Variants in PAPPA2 observed in about 807,000 individuals in gnomAD.
PAPPA2 encodes pappalysin-2.
Under a neutral mutation model 176.4 loss-of-function variants are expected in PAPPA2, and 86 were observed. That is an observed-to-expected ratio of 0.49 (90% confidence interval 0.41 to 0.58). The LOEUF is 0.58. Among genes scored for constraint, PAPPA2 ranks in the 20% least tolerant of loss-of-function variants. PAPPA2 has a pLI of 0.00. For synonymous variants in PAPPA2, 809 were observed against 852.2 expected (o/e 0.95, Z 0.88); for missense variants, 2,073 against 2,256.9 (o/e 0.92, Z 1.65).
chr1:176,840,082 T>C (rs933946852), intron 21 of PAPPA2, 91 bp from the exon 22 acceptor site: 3 of 1,006,934 alleles, frequency 3.0e-6, no homozygotes, highest in African/African-American at 1.6e-5. Context: ...TCTCTGGAGC[T>C]GTATGGATTA....
chr1:176,688,161 T>G (rs193098203), intron 4 of PAPPA2, among the ~76,000 whole-genome samples: 1 of 152,074 alleles, frequency 6.6e-6, no homozygotes, highest in Non-Finnish European at 1.5e-5. Context: ...TACTTAGAAG[T>G]GGTGGGAAAG....
rs560143983 is a variant in PAPPA2 at position 176,583,988 on chromosome 1, G to A, written c.920-10536G>A. Among the ~76,000 whole-genome samples, 5 of 152,308 alleles carry A rather than the reference G, an allele frequency of 3.3e-5. No individual in the cohort carries two copies. The East Asian group carries it at 9.6e-4, about 29-fold the overall frequency. On this transcript the variant is annotated intron_variant, in intron 2 of 22. Coordinates refer to ENST00000367662, the MANE Select transcript of PAPPA2 (RefSeq NM_020318.3). ...GAGGATTGTTTGCACCCAGGGAGTTGAGGCTGTACTGCCACTGAACTCCAG... is the reference window on the plus strand; with the variant it reads ...GAGGATTGTTTGCACCCAGGGAGTTAAGGCTGTACTGCCACTGAACTCCAG...
chr1:176,491,073 C>T (rs2102493393), intron 1 of PAPPA2, among the ~76,000 whole-genome samples: 1 of 152,316 alleles, frequency 6.6e-6, no homozygotes, highest in East Asian at 1.9e-4. Flanking sequence ...AAGAATGAAT[C>T]TCTATTTCAT....
At chr1:176,697,751 C>T (rs536110606) in intron 7 of PAPPA2, among the ~76,000 whole-genome samples, 1 of 152,304 alleles carries the variant, frequency 6.6e-6, no homozygotes, top group South Asian at 2.1e-4. Context: ...ATCATTACTA[C>T]TTAATATTAT....
chr1:176,724,446 G>GCAT (rs1661768332), intron 12 of PAPPA2, among the ~76,000 whole-genome samples: 1 of 152,120 alleles, frequency 6.6e-6, no homozygotes, highest in Non-Finnish European at 1.5e-5. Context: ...GTTTCATAGG[G>GCAT]AGCCCGTCAA....
At chr1:176,562,991 G>T (rs1470619368) in intron 2 of PAPPA2, among the ~76,000 whole-genome samples, 1 of 152,114 alleles carries the variant, frequency 6.6e-6, no homozygotes, top group Non-Finnish European at 1.5e-5. Context: ...TTCCTAGGGT[G>T]CATATTGCTT....
intron 14 of PAPPA2, among the ~76,000 whole-genome samples, chr1:176,763,225 T>C (rs1663777327): frequency 6.6e-6 from 1 of 152,186 alleles, no homozygotes; most frequent in South Asian, 2.1e-4. Flanking sequence ...ACAAGATTCA[T>C]AGTAGTCATA....
intron 21 of PAPPA2, among the ~76,000 whole-genome samples, chr1:176,833,012 A>G (rs1198890118): frequency 1.3e-5 from 2 of 152,180 alleles, no homozygotes; most frequent in African/African-American, 4.8e-5. Flanking sequence ...CAGAAGATGT[A>G]CTACCACACA....
At chr1:176,806,850 A>G (rs1192880956) in intron 21 of PAPPA2, among the ~76,000 whole-genome samples, 1 of 152,120 alleles carries the variant, frequency 6.6e-6, no homozygotes, top group African/African-American at 2.4e-5. Flanking sequence ...TTTGGTTTTC[A>G]TTACACCCAC....
rs1384245489 is a variant in PAPPA2, at chr1:176,771,798, A to G, written c.4715+618A>G. On this transcript the variant is annotated intron_variant, in intron 17 of 22. Transcript: ENST00000367662. ...CATGGCAAGAAACACTTTTCCTCCA[A>G]TGTCGTGGGGGATCCGAAAGAACAA... Among the ~76,000 whole-genome samples, 4 of 152,250 alleles carry G rather than the reference A, an allele frequency of 2.6e-5. No individual in the cohort carries two copies. In the East Asian group the frequency reaches 7.7e-4, roughly 29 times the overall value.
intron 3 of PAPPA2, among the ~76,000 whole-genome samples, chr1:176,644,687 G>A (rs1192590845): frequency 6.6e-6 from 1 of 151,822 alleles, no homozygotes; most frequent in Non-Finnish European, 1.5e-5. Flanking sequence ...AACATGACAA[G>A]TGCTGTGCTG....
chr1:176,625,577 A>G (rs1655960419), intron 3 of PAPPA2, among the ~76,000 whole-genome samples: 1 of 152,364 alleles, frequency 6.6e-6, no homozygotes, highest in East Asian at 1.9e-4. Context: ...TATGTTGGTG[A>G]TGCAATACAT....
chr1:176,815,807 G>A (rs899700401), intron 21 of PAPPA2, among the ~76,000 whole-genome samples: 7 of 152,230 alleles, frequency 4.6e-5, no homozygotes, highest in African/African-American at 1.7e-4. Flanking sequence ...GAGGCAAAAG[G>A]TTACATTCTT....
At chr1:176,620,607 TGTA>T (rs1172496647) in intron 3 of PAPPA2, among the ~76,000 whole-genome samples, 1 of 152,206 alleles carries the variant, frequency 6.6e-6, no homozygotes, top group Non-Finnish European at 1.5e-5. Context: ...ACAAACAATA[TGTA>T]AATGAATGAT....
chr1:176,782,071 T>A (rs1664744259), intron 17 of PAPPA2, among the ~76,000 whole-genome samples: 1 of 152,230 alleles, frequency 6.6e-6, no homozygotes, highest in South Asian at 2.1e-4. Context: ...AGAGAGGTAA[T>A]TTATCCATAG....
chr1:176,823,320 A>AAT (rs1224865726), intron 21 of PAPPA2, among the ~76,000 whole-genome samples: 1 of 152,240 alleles, frequency 6.6e-6, no homozygotes, highest in Non-Finnish European at 1.5e-5. Context: ...AAGTATTATT[A>AAT]GTCTGCTCAG....
intron 14 of PAPPA2, 86 bp downstream of exon 14, chr1:176,740,282 G>C: frequency 7.6e-7 from 1 of 1,309,168 alleles, no homozygotes; most frequent in Admixed American, 2.3e-5. Context: ...TGTATAGAGT[G>C]TTTGCTCAAT....
intron 1 of PAPPA2, among the ~76,000 whole-genome samples, chr1:176,503,662 C>T (rs1463687193): frequency 6.6e-6 from 1 of 152,096 alleles, no homozygotes; most frequent in African/African-American, 2.4e-5. Flanking sequence ...TGACATTGAC[C>T]TTGTTCTTGT....
At chr1:176,473,734 A>G (rs1446933069) in intron 1 of PAPPA2, among the ~76,000 whole-genome samples, 4 of 152,162 alleles carry the variant, frequency 2.6e-5, no homozygotes, top group Non-Finnish European at 5.9e-5. Flanking sequence ...TTGAATAGGT[A>G]TGTAGTGGTA....
Sources: gnomAD v4.1 joint callset for allele counts (sites outside exome capture counted in the v4.1 genomes callset) on GRCh38, gnomAD v4.1.1 for gene constraint, MANE v1.5 for transcripts, NCBI Gene and HGNC (gene_info 2026-07-23, HGNC 2026-07-21) for gene names.